SLMAP: variants seen among roughly 807,000 people sequenced by gnomAD.
SLMAP encodes the protein sarcolemmal membrane-associated protein.
SLMAP carries 44 observed loss-of-function variants against 128.8 expected under a neutral mutation model. The observed-to-expected ratio is 0.34, with a 90% CI of 0.27 to 0.44. The LOEUF (loss-of-function observed/expected upper bound fraction) is 0.44. Ranked by LOEUF, SLMAP falls within the 20% of genes least tolerant of loss-of-function variation. The pLI is 1.00. For synonymous variants in SLMAP, 327 were observed against 348.8 expected (o/e 0.94, Z 0.70); for missense variants, 787 against 985.3 (o/e 0.80, Z 2.69).
intron 13 of SLMAP, among the ~76,000 whole-genome samples, chr3:57,868,986 TTATATATGTGTATTA>T (rs937115822): frequency 2.9e-5 from 4 of 138,808 alleles, no homozygotes; most frequent in African/African-American, 1.1e-4. Flanking sequence ...ATAATATATA[TTATATATGTGTATTA>T]TATATAATAT....
At position 57,927,666 on chromosome 3, in the gene SLMAP, A is replaced by C. The variant is rs866453245; in HGVS notation, c.*377A>C. The C allele has an allele frequency of 1.6e-5, 3 of 182,694 alleles. No homozygotes were observed. The highest frequency in any genetic ancestry group is 3.4e-5 in the Non-Finnish European group (3 of 88,378). 11.3% of individuals were successfully genotyped at this position (182,694 alleles called of 1,614,324 possible). Reference sequence around the variant, plus strand: ...AAGATTCTGAATATTATGGTGGCCTAAAGTAGGCTTCTTGGTACACCAGAT... The same window carrying C: ...AAGATTCTGAATATTATGGTGGCCTCAAGTAGGCTTCTTGGTACACCAGAT... On this transcript the variant is annotated 3_prime_UTR_variant, in exon 25 of 25. Coordinates refer to ENST00000671191, the MANE Select transcript of SLMAP (RefSeq NM_001377540.1).
At chr3:57,772,020 A>G (rs2080999092) in intron 2 of SLMAP, among the ~76,000 whole-genome samples, 3 of 152,234 alleles carry the variant, frequency 2.0e-5, no homozygotes, top group South Asian at 4.1e-4. Flanking sequence ...ACCATAGAAC[A>G]TGGTGAAATT....
chr3:57,871,492 G>A, intron 13 of SLMAP, 144 bp from the exon 14 acceptor site: 1 of 602,080 alleles, frequency 1.7e-6, no homozygotes, highest in South Asian at 2.1e-5. Flanking sequence ...TCCAAAATAT[G>A]TCTGCTTTAG....
At chr3:57,908,887 A>G (rs2096627601) in intron 18 of SLMAP, among the ~76,000 whole-genome samples, 189 bp from the exon 19 acceptor site, 1 of 152,258 alleles carries the variant, frequency 6.6e-6, no homozygotes, top group African/African-American at 2.4e-5. Context: ...TAGATTTATT[A>G]CTTACTACAG....
At chr3:57,855,724 A>C (rs958394704) in intron 6 of SLMAP, among the ~76,000 whole-genome samples, 2 of 149,070 alleles carry the variant, frequency 1.3e-5, no homozygotes, top group Non-Finnish European at 1.5e-5. Context: ...AAAAAAAAAA[A>C]ACAAAAAAAA....
chr3:57,928,061 T>C lies in SLMAP; in HGVS notation c.*772T>C, dbSNP rs1334949821. ...CTTGAAGATGTGGAGGACATCAACT[T>C]TGAAAAACTTTCCATGAGAGTGTAT... On this transcript the variant is annotated 3_prime_UTR_variant, in exon 25 of 25. Coordinates refer to ENST00000671191, the MANE Select transcript of SLMAP (RefSeq NM_001377540.1). The C allele has an allele frequency of 6.6e-6, 1 of 152,574 alleles. No individual in the cohort carries two copies. Among genetic ancestry groups the C allele is most frequent in the Admixed American group, 6.5e-5 (1 of 15,270 alleles). The allele number at this position is 152,574 out of a possible 1,614,324, so 9.5% of individuals were successfully genotyped here.
intron 14 of SLMAP, among the ~76,000 whole-genome samples, chr3:57,883,162 A>G (rs759043716): frequency 6.6e-6 from 1 of 152,230 alleles, no homozygotes; most frequent in African/African-American, 2.4e-5. Flanking sequence ...AATAGTTGCA[A>G]TATACCTTAA....
chr3:57,862,541 G>T (rs199812955), intron 10 of SLMAP, among the ~76,000 whole-genome samples: 10 of 149,134 alleles, frequency 6.7e-5, no homozygotes. Context: ...GGGAGTCTAA[G>T]GCAGAAGAAT....
At chr3:57,921,899 T>G (rs1356074717) in intron 22 of SLMAP, among the ~76,000 whole-genome samples, 1 of 152,048 alleles carries the variant, frequency 6.6e-6, no homozygotes, top group Non-Finnish European at 1.5e-5. Context: ...GAGGTGGGGT[T>G]TTGCCATGTT....
At chr3:57,819,940 C>G (rs756538470) in intron 2 of SLMAP, among the ~76,000 whole-genome samples, 29 of 151,974 alleles carry the variant, frequency 1.9e-4, no homozygotes, top group Non-Finnish European at 2.9e-4. Flanking sequence ...TTTGTAAAGA[C>G]AAGGTCTCAC....
intron 17 of SLMAP, chr3:57,898,153 C>G (rs1298523509): frequency 6.6e-6 from 1 of 152,172 alleles, no homozygotes; most frequent in African/African-American, 2.4e-5. Context: ...AGCACTCTTA[C>G]TGATTTGTAC....
chr3:57,903,695 A>G (rs754073628), intron 17 of SLMAP, among the ~76,000 whole-genome samples: 16 of 152,248 alleles, frequency 1.1e-4, no homozygotes, highest in Non-Finnish European at 1.8e-4. Context: ...GGCCCAGACT[A>G]TACACCAGGC....
chr3:57,847,505 G>A (rs1006059737), intron 5 of SLMAP, among the ~76,000 whole-genome samples: 2 of 152,170 alleles, frequency 1.3e-5, no homozygotes, highest in Non-Finnish European at 2.9e-5. Context: ...GGGATAAGGA[G>A]TATTCGCTGT....
chr3:57,898,483 T>G (rs1447779518), intron 17 of SLMAP: 1 of 152,162 alleles, frequency 6.6e-6, no homozygotes, highest in African/African-American at 2.4e-5. Context: ...GGTGTATATA[T>G]TTATAGGGTA....
Position 57,896,928 on chromosome 3 carries a change from A to G in SLMAP, c.1497A>G (p.Leu499=). ...AGCCTCTTGCCAAAGTGTCCCTTTTAAAAGGTACTTTAACATGTTTTTATG... is the reference window on the plus strand; with the variant it reads ...AGCCTCTTGCCAAAGTGTCCCTTTTGAAAGGTACTTTAACATGTTTTTATG... The part of the protein sequence containing the change: ...LNEPLAKVSL[L]KDDLQGAQSE... The change falls in exon 17 of 25, where the codon TTA becomes TTG. Residue 499 remains leucine, a synonymous_variant. Transcript: ENST00000671191. 6.2e-7 allele frequency: 1 copy of G among 1,613,252 alleles called. No individual in the cohort carries two copies. Among genetic ancestry groups the G allele is most frequent in the Non-Finnish European group, 8.5e-7 (1 of 1,179,742 alleles).
chr3:57,848,164 CCTCCTG>C (rs932892027), intron 5 of SLMAP, among the ~76,000 whole-genome samples: 9 of 151,840 alleles, frequency 5.9e-5, no homozygotes, highest in Admixed American at 2.0e-4. Flanking sequence ...TTCTTCTTCT[CCTCCTG>C]CTCCTGCTCC....
At chr3:57,859,256 G>T (rs1216674859) in intron 8 of SLMAP, among the ~76,000 whole-genome samples, 2 of 151,372 alleles carry the variant, frequency 1.3e-5, no homozygotes. Context: ...GGTGGGGGTG[G>T]AGGTTGCAGT....
At chr3:57,824,092 A>G (rs563209765) in intron 2 of SLMAP, among the ~76,000 whole-genome samples, 5 of 152,354 alleles carry the variant, frequency 3.3e-5, no homozygotes, top group African/African-American at 1.2e-4. Context: ...AAAACAATGT[A>G]TCAATGGGAA....
At chr3:57,820,655 C>T (rs1437201919) in intron 2 of SLMAP, among the ~76,000 whole-genome samples, 1 of 152,190 alleles carries the variant, frequency 6.6e-6, no homozygotes, top group Non-Finnish European at 1.5e-5. Flanking sequence ...TGATTCTGCC[C>T]TCCTAGCGAC....
Sources: gnomAD v4.1 joint callset for allele counts (sites outside exome capture counted in the v4.1 genomes callset) on GRCh38, gnomAD v4.1.1 for gene constraint, MANE v1.5 for transcripts, NCBI Gene and HGNC (gene_info 2026-07-23, HGNC 2026-07-21) for gene names.